The following PLCL1 variants were observed in gnomAD, a reference collection of about 807,000 sequenced individuals.
PLCL1 encodes the protein phospholipase C like 1 (inactive).
Under a neutral mutation model 84.4 loss-of-function variants are expected in PLCL1, and 41 were observed. The observed-to-expected ratio is 0.49, with a 90% CI of 0.38 to 0.63. The LOEUF is 0.63. Among genes scored for constraint, PLCL1 ranks in the 30% least tolerant of loss-of-function variants. PLCL1 has a pLI of 0.00. For missense variants in PLCL1, 1,206 were observed against 1,367.8 expected, an observed-to-expected ratio of 0.88 and a Z score of 1.87; for synonymous variants, 490 against 488.3, an observed-to-expected ratio of 1.00 and a Z score of -0.05.
intron 1 of PLCL1, among the ~76,000 whole-genome samples, chr2:198,027,153 A>G (rs931948770): frequency 6.6e-6 from 1 of 152,216 alleles, no homozygotes; most frequent in Non-Finnish European, 1.5e-5. Flanking sequence ...TGGTATATAT[A>G]CACATGGAAT....
intron 1 of PLCL1, among the ~76,000 whole-genome samples, chr2:197,929,786 G>A (rs537400305): frequency 2.0e-5 from 3 of 152,136 alleles, no homozygotes; most frequent in Admixed American, 6.6e-5. Context: ...TTAGTTCTTC[G>A]TCCATCTTTG....
chr2:197,855,989 A>T (rs1687324081), intron 1 of PLCL1, among the ~76,000 whole-genome samples: 1 of 152,156 alleles, frequency 6.6e-6, no homozygotes, highest in South Asian at 2.1e-4. Flanking sequence ...ACCTCCTTTG[A>T]ACCTAAAACA....
chr2:197,966,845 A>ATTTTTTTTT, intron 1 of PLCL1, among the ~76,000 whole-genome samples: 1 of 100,284 alleles, frequency 1.0e-5, no homozygotes, highest in Non-Finnish European at 2.0e-5. Context: ...ATCCATACTA[A>ATTTTTTTTT]TTTTTTTTTT....
chr2:197,867,282 A>G (rs79838666), intron 1 of PLCL1, among the ~76,000 whole-genome samples: 2,222 of 152,222 alleles, frequency 0.015, 62 homozygotes, highest in African/African-American at 0.051. Context: ...ACAGCAGTAT[A>G]CACATAGATA....
chr2:197,832,889 C>T (rs1691098485), intron 1 of PLCL1, among the ~76,000 whole-genome samples: 1 of 152,200 alleles, frequency 6.6e-6, no homozygotes, highest in African/African-American at 2.4e-5. Flanking sequence ...TAAACAGAAT[C>T]AATGACAAAA....
At chr2:198,003,783 A>C (rs959277480) in intron 1 of PLCL1, among the ~76,000 whole-genome samples, 4 of 152,190 alleles carry the variant, frequency 2.6e-5, no homozygotes, top group Non-Finnish European at 4.4e-5. Context: ...AGACCTATAC[A>C]AATATTTTCA....
At chr2:197,834,602 C>T (rs986414061) in intron 1 of PLCL1, among the ~76,000 whole-genome samples, 5 of 152,202 alleles carry the variant, frequency 3.3e-5, no homozygotes, top group Non-Finnish European at 7.3e-5. Context: ...CAATGAGATA[C>T]CATCTCACGC....
chr2:197,953,416 T>A (rs1227813564), intron 1 of PLCL1, among the ~76,000 whole-genome samples: 1 of 152,090 alleles, frequency 6.6e-6, no homozygotes, highest in Non-Finnish European at 1.5e-5. Flanking sequence ...CCATGGATCA[T>A]GACTTAACCT....
At chr2:197,920,712 A>G (rs1414111710) in intron 1 of PLCL1, among the ~76,000 whole-genome samples, 2 of 152,248 alleles carry the variant, frequency 1.3e-5, no homozygotes, top group African/African-American at 4.8e-5. Context: ...AAGAATATAT[A>G]TAGAACTAAG....
chr2:198,057,288 C>T (rs920145599), intron 1 of PLCL1, among the ~76,000 whole-genome samples: 1 of 152,162 alleles, frequency 6.6e-6, no homozygotes, highest in South Asian at 2.1e-4. Context: ...ATCCTAGGCT[C>T]TTGATGGTGC....
rs74527108 is a variant in PLCL1 at position 198,063,386 on chromosome 2, A to G, written c.241-20372A>G. Among the ~76,000 whole-genome samples, 514 of 152,264 alleles carry G rather than the reference A, an allele frequency of 3.4e-3. 2 individuals carry two copies. Among genetic ancestry groups the G allele is most frequent in the African/African-American group, 0.012 (484 of 41,556 alleles). On this transcript the variant is annotated intron_variant, in intron 1 of 5. Coordinates refer to ENST00000428675, the MANE Select transcript of PLCL1 (RefSeq NM_006226.4). Reference sequence around the variant, plus strand: ...CACAGTAATAACTGTGTCCTAGAATAACCAGAACCCAGCAAAACAACATAA... The same window carrying G: ...CACAGTAATAACTGTGTCCTAGAATGACCAGAACCCAGCAAAACAACATAA...
chr2:197,917,519 C>G (rs1688619529), intron 1 of PLCL1, among the ~76,000 whole-genome samples: 2 of 152,048 alleles, frequency 1.3e-5, no homozygotes. Context: ...GGTGGTGATG[C>G]TATTTTGTAT....
At chr2:198,028,209 T>C (rs1231488073) in intron 1 of PLCL1, among the ~76,000 whole-genome samples, 1 of 152,146 alleles carries the variant, frequency 6.6e-6, no homozygotes, top group Non-Finnish European at 1.5e-5. Context: ...AAGTTAAAAG[T>C]AAAAATTTAT....
intron 1 of PLCL1, among the ~76,000 whole-genome samples, chr2:197,823,288 G>T (rs1690853633): frequency 6.6e-6 from 1 of 152,092 alleles, no homozygotes; most frequent in Non-Finnish European, 1.5e-5. Context: ...AGATCTAAGA[G>T]GTGGTATAGC....
chr2:197,827,679 T>C (rs894093430), intron 1 of PLCL1, among the ~76,000 whole-genome samples: 1 of 152,204 alleles, frequency 6.6e-6, no homozygotes, highest in Non-Finnish European at 1.5e-5. Flanking sequence ...AAGTACTCTG[T>C]TGGATCTTAA....
intron 1 of PLCL1, among the ~76,000 whole-genome samples, chr2:197,880,873 C>T (rs1400832760): frequency 6.6e-6 from 1 of 152,124 alleles, no homozygotes; most frequent in Non-Finnish European, 1.5e-5. Context: ...TTTATTAGTG[C>T]CTGACAATTT....
In PLCL1 at chr2:197,805,167, C is replaced by T; in HGVS notation, c.68C>T (p.Pro23Leu). ...GACGCGGCGGGGGGCGAAGACGACC[C>T]CCGAGTGGGCCCGGATGCCGCCGGG... ...PPDAAGGEDDPRVGPDAAGDC... is the reference protein window; with the variant it reads ...PPDAAGGEDDLRVGPDAAGDC... Residue 23 changes from proline to leucine, a missense_variant, in exon 1 of 6, where the codon CCC becomes CTC. By Grantham distance (98) the Pro-to-Leu change is moderately conservative. Coordinates refer to ENST00000428675, the MANE Select transcript of PLCL1 (RefSeq NM_006226.4). The surrounding 1 kb of genome is among the most constrained non-coding windows in gnomAD (Gnocchi z 4.0). The T allele has an allele frequency of 4.6e-6, 6 of 1,295,656 alleles. No homozygotes were observed. The highest frequency in any genetic ancestry group is 4.9e-6 in the Non-Finnish European group (5 of 1,025,976). The allele number at this position is 1,295,656 out of a possible 1,614,324, so 80.3% of individuals were successfully genotyped here.
chr2:197,864,690 C>T (rs990426147), intron 1 of PLCL1, among the ~76,000 whole-genome samples: 6 of 151,980 alleles, frequency 3.9e-5, no homozygotes, highest in African/African-American at 1.4e-4. Flanking sequence ...CCCCGGCTGG[C>T]CTTGAACTCA....
chr2:197,814,207 G>C (rs1401358906), intron 1 of PLCL1, among the ~76,000 whole-genome samples: 1 of 152,072 alleles, frequency 6.6e-6, no homozygotes, highest in African/African-American at 2.4e-5. Context: ...GCAACCCTGT[G>C]TTAAGCAAGT....
Sources: gnomAD v4.1 joint callset for allele counts (sites outside exome capture counted in the v4.1 genomes callset) on GRCh38, gnomAD v4.1.1 for gene constraint, Gnocchi (gnomAD v3.1) non-coding constraint, MANE v1.5 for transcripts, NCBI Gene and HGNC (gene_info 2026-07-23, HGNC 2026-07-21) for gene names.